The following TRAPPC9 variants were observed in gnomAD, a reference collection of about 807,000 sequenced individuals.
TRAPPC9 encodes IKK2 binding protein.
Under a neutral mutation model 124.0 loss-of-function variants are expected in TRAPPC9, and 83 were observed. The observed-to-expected ratio is 0.67, with a 90% CI of 0.56 to 0.80. The LOEUF (loss-of-function observed/expected upper bound fraction) is 0.80. TRAPPC9 is among the 30% of genes least tolerant of loss of function. TRAPPC9 has a pLI of 0.00. For synonymous variants in TRAPPC9, 638 were observed against 617.5 expected (o/e 1.03, Z -0.49); for missense variants, 1,302 against 1,508.3 (o/e 0.86, Z 2.27).
intron 20 of TRAPPC9, among the ~76,000 whole-genome samples, chr8:139,909,756 A>G (rs187701972): frequency 6.6e-6 from 1 of 152,356 alleles, no homozygotes; most frequent in Non-Finnish European, 1.5e-5. Context: ...GGTAAGCTGT[A>G]CAATCCGATT....
At chr8:140,112,561 C>G (rs547233782) in intron 17 of TRAPPC9, among the ~76,000 whole-genome samples, 10 of 152,218 alleles carry the variant, frequency 6.6e-5, no homozygotes, top group Non-Finnish European at 1.5e-4. Flanking sequence ...CCAGGCTGGA[C>G]GCTGGAGATG....
rs751858973 is a variant in TRAPPC9, at chr8:140,284,037, A to C, written c.1982-16T>G. ...GTATGGTAACCTGGAATAGAAAAGG[A>C]ACTTCTTCACTCCACTGGCAAGGCT... On this transcript the variant is annotated splice_polypyrimidine_tract_variant and intron_variant, in intron 13 of 22. Transcript: ENST00000438773. The C allele has an allele frequency of 1.9e-6, 3 of 1,613,886 alleles. No homozygotes were observed. In the South Asian group the frequency reaches 3.3e-5, roughly 18 times the overall value.
At chr8:140,215,362 G>A (rs578140995) in intron 17 of TRAPPC9, among the ~76,000 whole-genome samples, 3 of 152,274 alleles carry the variant, frequency 2.0e-5, no homozygotes, top group African/African-American at 7.2e-5. Flanking sequence ...GAGGGCAGGC[G>A]CCGGGCACGG....
At chr8:140,281,695 C>A (rs1334573075) in intron 14 of TRAPPC9, among the ~76,000 whole-genome samples, 1 of 152,172 alleles carries the variant, frequency 6.6e-6, no homozygotes, top group Admixed American at 6.5e-5. Context: ...TGATAATTTT[C>A]TTTTATTTTC....
At chr8:139,836,092 T>A (rs1826328933) in intron 21 of TRAPPC9, among the ~76,000 whole-genome samples, 1 of 152,048 alleles carries the variant, frequency 6.6e-6, no homozygotes, top group Non-Finnish European at 1.5e-5. Flanking sequence ...CAGCGCAGCC[T>A]CCACTTCCCA....
intron 10 of TRAPPC9, among the ~76,000 whole-genome samples, chr8:140,302,082 C>A (rs78957714): frequency 0.011 from 1,673 of 152,352 alleles, 15 homozygotes; most frequent in Non-Finnish European, 0.017. Flanking sequence ...AAAATCACCA[C>A]CTCTCTCAGT....
intron 18 of TRAPPC9, among the ~76,000 whole-genome samples, chr8:140,014,279 C>A (rs1039927676): frequency 9.2e-5 from 14 of 152,200 alleles, no homozygotes; most frequent in African/African-American, 2.9e-4. Context: ...GAGGGAGGCT[C>A]GGCACTCAGA....
intron 16 of TRAPPC9, among the ~76,000 whole-genome samples, chr8:140,242,740 G>A (rs2063889474): frequency 6.6e-6 from 1 of 152,216 alleles, no homozygotes; most frequent in Non-Finnish European, 1.5e-5. Flanking sequence ...AAACTGTTAG[G>A]AACATCCATA....
intron 3 of TRAPPC9, 45 bp downstream of exon 3, chr8:140,439,007 G>C (rs757636818): frequency 6.2e-7 from 1 of 1,613,042 alleles, no homozygotes; most frequent in Non-Finnish European, 8.5e-7. Flanking sequence ...TTAATTAACA[G>C]TTGAAACAAT....
chr8:140,130,772 C>T (rs1267665257), intron 17 of TRAPPC9, among the ~76,000 whole-genome samples: 4 of 152,130 alleles, frequency 2.6e-5, no homozygotes, highest in African/African-American at 7.2e-5. Flanking sequence ...GACAGGGCAT[C>T]GGGTTAACAG....
At chr8:139,835,355 T>C (rs1826263036) in intron 21 of TRAPPC9, among the ~76,000 whole-genome samples, 1 of 152,252 alleles carries the variant, frequency 6.6e-6, no homozygotes, top group South Asian at 2.1e-4. Context: ...CCAAGGAACC[T>C]GGCAGGTCCT....
intron 5 of TRAPPC9, among the ~76,000 whole-genome samples, chr8:140,417,702 CA>C (rs2069990321): frequency 6.6e-6 from 1 of 152,188 alleles, no homozygotes; most frequent in Non-Finnish European, 1.5e-5. Context: ...CCAGCAATCC[CA>C]TTACTGGGTA....
intron 15 of TRAPPC9, among the ~76,000 whole-genome samples, chr8:140,272,123 A>ATAGTGATTATGG (rs796799306): frequency 0.21 from 29,429 of 140,090 alleles, 3,515 homozygotes; most frequent in African/African-American, 0.37. Flanking sequence ...GGCAATGGTG[A>ATAGTGATTATGG]TGGTGGCGAT....
At chr8:140,424,357 A>T (rs556007251) in intron 5 of TRAPPC9, among the ~76,000 whole-genome samples, 3 of 152,120 alleles carry the variant, frequency 2.0e-5, no homozygotes, top group African/African-American at 7.2e-5. Context: ...ATTAAAAAAA[A>T]AAAAGATGCC....
intron 17 of TRAPPC9, among the ~76,000 whole-genome samples, chr8:140,128,425 A>G (rs2061137323): frequency 6.6e-6 from 1 of 152,266 alleles, no homozygotes; most frequent in Non-Finnish European, 1.5e-5. Flanking sequence ...TGGAGGCTGC[A>G]TACAAGAAGC....
At chr8:139,921,837 G>A (rs890487845) in intron 19 of TRAPPC9, among the ~76,000 whole-genome samples, 5 of 149,694 alleles carry the variant, frequency 3.3e-5, no homozygotes, top group African/African-American at 7.4e-5. Flanking sequence ...ATCCGAGAGC[G>A]CACACATCTG....
chr8:140,395,245 C>T (rs992200415), intron 7 of TRAPPC9, among the ~76,000 whole-genome samples: 4 of 152,148 alleles, frequency 2.6e-5, no homozygotes, highest in South Asian at 2.1e-4. Context: ...TGTTTTTACT[C>T]GGTTTATGGG....
chr8:140,359,229 T>C (rs539709119), intron 9 of TRAPPC9, among the ~76,000 whole-genome samples: 7 of 152,180 alleles, frequency 4.6e-5, no homozygotes, highest in African/African-American at 1.7e-4. Context: ...GCTGATCCCA[T>C]GAGTACGTCC....
chr8:140,062,813 C>T (rs1032029440), intron 17 of TRAPPC9, among the ~76,000 whole-genome samples: 1 of 152,172 alleles, frequency 6.6e-6, no homozygotes, highest in African/African-American at 2.4e-5. Flanking sequence ...GTCTTCATTC[C>T]ATCCCCAATT....
Sources: allele counts gnomAD v4.1 joint callset (sites outside exome capture counted in the v4.1 genomes callset), GRCh38; gene constraint gnomAD v4.1.1; transcripts MANE v1.5; gene names NCBI Gene and HGNC (gene_info 2026-07-23, HGNC 2026-07-21).